The following LAMA3 variants were observed in gnomAD, a reference collection of about 807,000 sequenced individuals.
The protein encoded by LAMA3 is laminin subunit alpha-3.
LAMA3 carries 281 observed loss-of-function variants against 402.0 expected under a neutral mutation model. The observed-to-expected ratio is 0.70, with a 90% confidence interval of 0.63 to 0.77. The LOEUF (loss-of-function observed/expected upper bound fraction) is 0.77. LAMA3 is among the 30% of genes least tolerant of loss of function. The pLI is 0.00. For missense variants in LAMA3, 3,840 were observed against 4,215.5 expected, an observed-to-expected ratio of 0.91 and a Z score of 2.47; for synonymous variants, 1,431 against 1,558.4, an observed-to-expected ratio of 0.92 and a Z score of 1.93.
chr18:23,840,427 A>G (rs1318819894), intron 27 of LAMA3, among the ~76,000 whole-genome samples: 2 of 146,384 alleles, frequency 1.4e-5, no homozygotes, highest in Non-Finnish European at 3.0e-5. Context: ...CTATCACTCA[A>G]ACTTGAGTGC....
chr18:23,950,047 G>T lies in LAMA3; in HGVS notation c.9530G>T (p.Gly3177Val). 6.2e-7 allele frequency: 1 copy of T among 1,613,990 alleles called. No individual in the cohort carries two copies. The highest frequency in any genetic ancestry group is 8.5e-7 in the Non-Finnish European group (1 of 1,180,012). Residue 3177 changes from glycine (G) to valine (V), a missense_variant, in exon 72 of 75, where the codon GGG (glycine) becomes GTG (valine). Transcript: ENST00000313654. Reference sequence around the variant, plus strand: ...TTGAAAGCTCACTCTGTATTGTTGGGGCCAGAATTTAAGCTTGTTTTCAGC... The same window carrying T: ...TTGAAAGCTCACTCTGTATTGTTGGTGCCAGAATTTAAGCTTGTTTTCAGC... The part of the protein sequence containing the change: ...HVVLAHSVLL[G>V]PEFKLVFSIR...
intron 2 of LAMA3, among the ~76,000 whole-genome samples, chr18:23,727,769 G>A (rs560746032): frequency 2.6e-5 from 4 of 151,630 alleles, no homozygotes; most frequent in Admixed American, 6.6e-5. Flanking sequence ...TTGCTCTGTC[G>A]CCCAGGCTGG....
intron 32 of LAMA3, among the ~76,000 whole-genome samples, chr18:23,857,008 A>G (rs563065966): frequency 4.6e-5 from 7 of 152,096 alleles, no homozygotes; most frequent in Non-Finnish European, 8.8e-5. Flanking sequence ...ACAGCTGTTC[A>G]TGTTGCCTTG....
At chr18:23,856,342 G>A (rs1230814640) in intron 32 of LAMA3, among the ~76,000 whole-genome samples, 1 of 152,212 alleles carries the variant, frequency 6.6e-6, no homozygotes, top group African/African-American at 2.4e-5. Flanking sequence ...ACAGGTATTA[G>A]GAGATAGGTG....
At chr18:23,798,442 G>T (rs1222580225) in intron 12 of LAMA3, among the ~76,000 whole-genome samples, 2 of 152,156 alleles carry the variant, frequency 1.3e-5, no homozygotes, top group Non-Finnish European at 2.9e-5. Flanking sequence ...CCTCCTCCCT[G>T]TTAACATACT....
At chr18:23,815,633 A>T in intron 17 of LAMA3, 60 bp downstream of exon 17, 1 of 1,125,880 alleles carries the variant, frequency 8.9e-7, no homozygotes, top group South Asian at 1.2e-5. Flanking sequence ...GATGGTCTAA[A>T]TAACATTTCT....
intron 39 of LAMA3, among the ~76,000 whole-genome samples, chr18:23,878,275 AC>A (rs1232466715): frequency 6.6e-6 from 1 of 152,244 alleles, no homozygotes; most frequent in African/African-American, 2.4e-5. Context: ...TTTTAATCAA[AC>A]AAGATTTTCT....
chr18:23,887,781 C>T (rs1435974454), intron 41 of LAMA3, among the ~76,000 whole-genome samples: 2 of 152,224 alleles, frequency 1.3e-5, no homozygotes. Flanking sequence ...CATGCATGCT[C>T]TTACCCCTCT....
chr18:23,875,871 C>A (rs972000651), intron 38 of LAMA3, among the ~76,000 whole-genome samples: 3 of 152,192 alleles, frequency 2.0e-5, no homozygotes, highest in Non-Finnish European at 4.4e-5. Flanking sequence ...CATCTCCACA[C>A]GTGCCCTGTC....
intron 2 of LAMA3, among the ~76,000 whole-genome samples, chr18:23,722,341 G>A (rs2061229602): frequency 6.6e-6 from 1 of 152,162 alleles, no homozygotes; most frequent in Non-Finnish European, 1.5e-5. Flanking sequence ...GCTAAGCTGT[G>A]CCGTAAAGGC....
intron 42 of LAMA3, among the ~76,000 whole-genome samples, chr18:23,893,750 A>T (rs529390520): frequency 2.7e-4 from 41 of 152,334 alleles, no homozygotes; most frequent in Non-Finnish European, 5.3e-4. Context: ...ACAGAGCAGC[A>T]GGGATTTTGT....
intron 2 of LAMA3, among the ~76,000 whole-genome samples, chr18:23,715,153 AG>A (rs1031150194): frequency 6.6e-6 from 1 of 152,098 alleles, no homozygotes; most frequent in Non-Finnish European, 1.5e-5. Flanking sequence ...TTTTGGAGAG[AG>A]GGTGATGAAA....
intron 2 of LAMA3, among the ~76,000 whole-genome samples, chr18:23,730,764 A>G (rs979112223): frequency 6.6e-6 from 1 of 152,184 alleles, no homozygotes; most frequent in African/African-American, 2.4e-5. Context: ...TTTCAGTGAT[A>G]CATTTTTTCT....
intron 42 of LAMA3, among the ~76,000 whole-genome samples, chr18:23,890,481 C>T (rs538289748): frequency 2.0e-5 from 3 of 152,116 alleles, no homozygotes; most frequent in East Asian, 1.9e-4. Context: ...TCAGCTTTCC[C>T]GTGTGTGTCT....
At chr18:23,930,720 T>C (rs1398327036) in intron 64 of LAMA3, among the ~76,000 whole-genome samples, 1 of 152,088 alleles carries the variant, frequency 6.6e-6, no homozygotes, top group African/African-American at 2.4e-5. Flanking sequence ...CAAGACTCTG[T>C]CTCAAATAAT....
chr18:23,855,286 G>C (rs545422893), intron 32 of LAMA3, among the ~76,000 whole-genome samples: 23 of 152,238 alleles, frequency 1.5e-4, no homozygotes, highest in Non-Finnish European at 2.9e-4. Context: ...TGTGCGTGGT[G>C]TTCTTTCCTT....
chr18:23,726,799 G>A (rs1047077932), intron 2 of LAMA3, among the ~76,000 whole-genome samples: 1 of 151,920 alleles, frequency 6.6e-6, no homozygotes, highest in Admixed American at 6.6e-5. Flanking sequence ...TGTATTTTTA[G>A]TACAGACGGG....
intron 5 of LAMA3, among the ~76,000 whole-genome samples, chr18:23,751,342 G>T (rs891300371): frequency 4.2e-4 from 64 of 152,134 alleles, no homozygotes; most frequent in African/African-American, 1.5e-3. Flanking sequence ...GTACTAGTCT[G>T]GATGGGATAA....
rs766832448 is a variant in LAMA3 at position 23,912,792 on chromosome 18, A to T, written c.7240A>T (p.Thr2414Ser). The change falls in exon 56 of 75, where the codon ACA becomes TCA. Residue 2414 changes from threonine to serine, a missense_variant. Thr to Ser is a moderately conservative substitution (Grantham distance 58). Around this residue, in one of 3 missense-constraint regions of LAMA3, gnomAD observed 891 missense variants for 857.5 expected, o/e 1.04. Coordinates refer to ENST00000313654, the MANE Select transcript of LAMA3 (RefSeq NM_198129.4). ...TGACCTGGAAGATTTGAAAGGATAT[A>T]CATCTCTGTCCTTGTTTCTCCAAAG... Reference protein sequence around the residue: ...PNDLEDLKGYTSLSLFLQRPN... With the variant: ...PNDLEDLKGYSSLSLFLQRPN... 10 of 1,613,842 alleles carry T rather than the reference A, an allele frequency of 6.2e-6. No individual in the cohort carries two copies. Among genetic ancestry groups the T allele is most frequent in the Non-Finnish European group, 6.8e-6 (8 of 1,179,802 alleles).
Sources: gnomAD v4.1 joint callset for allele counts (sites outside exome capture counted in the v4.1 genomes callset) on GRCh38, gnomAD v4.1.1 for gene constraint, gnomAD v4.1.1 regional missense constraint, MANE v1.5 for transcripts, NCBI Gene and HGNC (gene_info 2026-07-23, HGNC 2026-07-21) for gene names.